OSBPL3: variants seen among roughly 807,000 people sequenced by gnomAD.
OSBPL3 encodes oxysterol-binding protein-related protein 3.
OSBPL3 carries 65 observed loss-of-function variants against 120.1 expected under a neutral mutation model. The ratio of observed to expected loss-of-function variants is 0.54; its 90% CI spans 0.44 to 0.67. The LOEUF (loss-of-function observed/expected upper bound fraction) is 0.67, where lower values mean the gene tolerates loss of function less well. OSBPL3 is among the 30% of genes least tolerant of loss of function. The probability of loss-of-function intolerance (pLI) is 0.00; values close to 1 mark genes in which losing one functional copy is unlikely to be tolerated. For missense variants in OSBPL3, 1,004 were observed against 1,082.1 expected (o/e 0.93, Z 1.01); for synonymous variants, 416 against 402.6 (o/e 1.03, Z -0.40).
rs1245389359 is a variant in OSBPL3, at chr7:24,799,248, AC to A, written c.*934del. The stretch of plus-strand genomic sequence containing the variant: ...CCAAAACAATCAGTTATTTTGCTAA[AC>A]TTTTACAAAGTCAAACTGCTGTGTG... On this transcript the variant is annotated 3_prime_UTR_variant, in exon 23 of 23. Transcript: ENST00000313367. The surrounding 1 kb of genome is among the most constrained non-coding windows in gnomAD (Gnocchi z 5.3). 6.6e-6 allele frequency: 1 copy of A among 152,658 alleles called. No individual in the cohort carries two copies. Among genetic ancestry groups the A allele is most frequent in the Admixed American group, 6.5e-5 (1 of 15,286 alleles). 9.5% of individuals were successfully genotyped at this position (152,658 alleles called of 1,614,324 possible). A position where few individuals can be genotyped will look rare whatever the true frequency, so the allele number is the denominator to read the frequency against.
At chr7:24,906,717 G>A (rs1807985029) in intron 1 of OSBPL3, 2 of 152,368 alleles carry the variant, frequency 1.3e-5, no homozygotes, top group African/African-American at 4.8e-5. Context: ...TGTGAACACA[G>A]GAGTGCTGAT....
Position 24,865,324 on chromosome 7 carries a change from C to T in OSBPL3, c.673+18G>A, listed in dbSNP as rs200754893. 9.9e-6 allele frequency: 16 copies of T among 1,612,614 alleles called. No individual in the cohort carries two copies. Among genetic ancestry groups the T allele is most frequent in the Middle Eastern group, 3.3e-4 (2 of 6,058 alleles). ...TCTAATAGCCACAACAGAAAGCAGA[C>T]GTTTCAAGTCACTCTACCTTTGGAG... On this transcript the variant is annotated intron_variant, in intron 7 of 22. Coordinates refer to ENST00000313367, the MANE Select transcript of OSBPL3 (RefSeq NM_015550.4).
Position 24,953,440 on chromosome 7 carries a change from T to C in OSBPL3, c.-150+26446A>G, listed in dbSNP as rs1814680380. Among the ~76,000 whole-genome samples the C allele has an allele frequency of 6.6e-6, 1 of 152,070 alleles. No individual in the cohort carries two copies. The highest frequency in any genetic ancestry group is 1.5e-5 in the Non-Finnish European group (1 of 67,978). ...AAATGTGTCTTATTAAAGTATTGTG[T>C]TAAAAAAAAAAGTATTACGTATCTG... On this transcript the variant is annotated intron_variant, in intron 1 of 22. Coordinates refer to ENST00000313367, the MANE Select transcript of OSBPL3 (RefSeq NM_015550.4). The surrounding 1 kb of genome is among the most constrained non-coding windows in gnomAD (Gnocchi z 4.3).
rs552082558 is a variant in OSBPL3 at position 24,815,000 on chromosome 7, G to T, written c.2172+59C>A. On this transcript the variant is annotated intron_variant, in intron 19 of 22. Transcript: ENST00000313367. ...AATCTCTCAAATGCCCTGTGCTCTG[G>T]GGCCCTGGCTCTGCCACAGCCCTTC... The T allele has an allele frequency of 5.1e-5, 79 of 1,549,418 alleles. No individual in the cohort carries two copies. In the African/African-American group the frequency reaches 9.1e-4, roughly 18 times the overall value.
At chr7:24,882,640 C>CT (rs1471136421) in intron 2 of OSBPL3, among the ~76,000 whole-genome samples, 1 of 152,110 alleles carries the variant, frequency 6.6e-6, no homozygotes. Flanking sequence ...TTCTTTAGTT[C>CT]TTTGGGAAAT....
intron 16 of OSBPL3, among the ~76,000 whole-genome samples, chr7:24,828,776 T>A (rs9719530): frequency 7.7e-4 from 117 of 151,518 alleles, no homozygotes; most frequent in South Asian, 2.1e-3. Flanking sequence ...TTTTTTTTTT[T>A]AAAAAGGAAG....
At chr7:24,809,101 AGCACACAGCCTAACGGT>A (rs1276165537) in intron 20 of OSBPL3, among the ~76,000 whole-genome samples, 1 of 152,200 alleles carries the variant, frequency 6.6e-6, no homozygotes, top group Non-Finnish European at 1.5e-5. Flanking sequence ...GTTGTGTAAT[AGCACACAGCCTAACGGT>A]TTAAACCACC....
chr7:24,975,774 T>G (rs1032645432), intron 1 of OSBPL3, among the ~76,000 whole-genome samples: 1 of 152,198 alleles, frequency 6.6e-6, no homozygotes, highest in African/African-American at 2.4e-5. Context: ...GAAACTGAAC[T>G]GGGAAGTTTC....
chr7:24,871,807 A>G lies in OSBPL3; in HGVS notation c.214-12T>C, dbSNP rs761046088. The stretch of plus-strand genomic sequence containing the variant: ...AGATAGAAGAATCTCTGTGGGGAAG[A>G]AAGTATTATTAATTAAGGCATTCAA... On this transcript the variant is annotated splice_polypyrimidine_tract_variant and intron_variant, in intron 3 of 22. Coordinates refer to ENST00000313367, the MANE Select transcript of OSBPL3 (RefSeq NM_015550.4). The surrounding 1 kb of genome is among the most constrained non-coding windows in gnomAD (Gnocchi z 4.8). 2.1e-5 allele frequency: 33 copies of G among 1,604,904 alleles called. No individual in the cohort carries two copies. The Admixed American group carries it at 4.7e-4, about 23-fold the overall frequency.
rs979042966 is a variant in OSBPL3 at position 24,873,431 on chromosome 7, C to T, written c.97-1362G>A. 6.6e-6 allele frequency among the ~76,000 whole-genome samples: 1 copy of T among 152,202 alleles called. No individual in the cohort carries two copies. Among genetic ancestry groups the T allele is most frequent in the African/African-American group, 2.4e-5 (1 of 41,446 alleles). ...TCTTTACATAATGATCGTGATGGGT[C>T]TGCCTTCTATCTGATGGCACTTTAC... On this transcript the variant is annotated intron_variant, in intron 2 of 22. Transcript: ENST00000313367. The surrounding 1 kb of genome is among the most constrained non-coding windows in gnomAD (Gnocchi z 4.1).
rs1039414566 is a variant in OSBPL3 at position 24,968,961 on chromosome 7, A to C, written c.-150+10925T>G. Among the ~76,000 whole-genome samples, 3 of 152,198 alleles carry C rather than the reference A, an allele frequency of 2.0e-5. No homozygotes were observed. Among genetic ancestry groups the C allele is most frequent in the Non-Finnish European group, 4.4e-5 (3 of 68,048 alleles). On this transcript the variant is annotated intron_variant, in intron 1 of 22. Coordinates refer to ENST00000313367, the MANE Select transcript of OSBPL3 (RefSeq NM_015550.4). This position sits in a 1 kb window ranked among gnomAD's most constrained non-coding sequence, Gnocchi z 4.6. ...TATTTATTCAAATACTCCAAGAAAC[A>C]ATTTTGCATATATATCATTTTGTGA...
intron 1 of OSBPL3, among the ~76,000 whole-genome samples, chr7:24,969,324 G>A (rs1206323969): frequency 6.6e-6 from 1 of 152,204 alleles, no homozygotes; most frequent in Non-Finnish European, 1.5e-5. Flanking sequence ...TGCCTTTACA[G>A]TAACTGGCCT....
At position 24,933,992 on chromosome 7, in the gene OSBPL3, T is replaced by C. The variant is rs1438510816; in HGVS notation, c.-149-41371A>G. 1.3e-5 allele frequency among the ~76,000 whole-genome samples: 2 copies of C among 152,206 alleles called. No individual in the cohort carries two copies. Among genetic ancestry groups the C allele is most frequent in the Non-Finnish European group, 1.5e-5 (1 of 68,022 alleles). ...AAAGTTTAAGAATGCAGATAGACCA[T>C]GTGTGTAATAGCTCTAAAATAGGAA... is the stretch of plus-strand genomic sequence containing the variant. On this transcript the variant is annotated intron_variant, in intron 1 of 22. Transcript: ENST00000313367. This position sits in a 1 kb window ranked among gnomAD's most constrained non-coding sequence, Gnocchi z 5.1.
chr7:24,946,847 T>G lies in OSBPL3; in HGVS notation c.-150+33039A>C, dbSNP rs887420700. ...AGAGGAGAGTGAGGAGAGAGAGAAA[T>G]TGACTCCATCTATATCATCTGCTTT... On this transcript the variant is annotated intron_variant, in intron 1 of 22. Coordinates refer to ENST00000313367, the MANE Select transcript of OSBPL3 (RefSeq NM_015550.4). The surrounding 1 kb of genome is among the most constrained non-coding windows in gnomAD (Gnocchi z 4.3). 1.3e-5 allele frequency among the ~76,000 whole-genome samples: 2 copies of G among 152,166 alleles called. No individual in the cohort carries two copies. Among genetic ancestry groups the G allele is most frequent in the Admixed American group, 1.3e-4 (2 of 15,276 alleles).
intron 20 of OSBPL3, among the ~76,000 whole-genome samples, chr7:24,809,491 A>G (rs1159374785): frequency 2.0e-5 from 3 of 152,090 alleles, no homozygotes; most frequent in African/African-American, 7.2e-5. Context: ...CATTTCACTG[A>G]TACTCTTTTA....
rs1030713784 is a variant in OSBPL3 at position 24,817,800 on chromosome 7, A to G, written c.1949-1112T>C. Among the ~76,000 whole-genome samples, 1 of 152,214 alleles carries G rather than the reference A, an allele frequency of 6.6e-6. No homozygotes were observed. The highest frequency in any genetic ancestry group is 1.5e-5 in the Non-Finnish European group (1 of 68,046). On this transcript the variant is annotated intron_variant, in intron 17 of 22. Coordinates refer to ENST00000313367, the MANE Select transcript of OSBPL3 (RefSeq NM_015550.4). This position sits in a 1 kb window ranked among gnomAD's most constrained non-coding sequence, Gnocchi z 4.0. Reference sequence around the variant, plus strand: ...CCAGAAATACTAAAGAAGAAGAAATAGGCACTAGGTCAACTAGGTGACAAG... The same window carrying G: ...CCAGAAATACTAAAGAAGAAGAAATGGGCACTAGGTCAACTAGGTGACAAG...
Position 24,972,699 on chromosome 7 carries a change from G to A in OSBPL3, c.-150+7187C>T, listed in dbSNP as rs541232132. Among the ~76,000 whole-genome samples the A allele has an allele frequency of 2.8e-4, 43 of 152,156 alleles. No individual in the cohort carries two copies. Among genetic ancestry groups the A allele is most frequent in the Admixed American group, 7.2e-4 (11 of 15,278 alleles). On this transcript the variant is annotated intron_variant, in intron 1 of 22. Transcript: ENST00000313367. The surrounding 1 kb of genome is among the most constrained non-coding windows in gnomAD (Gnocchi z 4.3). ...CTTCAAATTTAATAAGAGTTGCTGA[G>A]ATTAAAAAATATATACATACATAAA...
rs1218565201 is a variant in OSBPL3 at position 24,896,892 on chromosome 7, T to C, written c.-149-4271A>G. On this transcript the variant is annotated intron_variant, in intron 1 of 22. Transcript: ENST00000313367. The surrounding 1 kb of genome is among the most constrained non-coding windows in gnomAD (Gnocchi z 4.4). ...TTCAAGACCAGCCTGGCCAACATGG[T>C]AAAACCCCATCTCTACTAAAAATAC... Among the ~76,000 whole-genome samples, 1 of 152,034 alleles carries C rather than the reference T, an allele frequency of 6.6e-6. No individual in the cohort carries two copies. Among genetic ancestry groups the C allele is most frequent in the African/African-American group, 2.4e-5 (1 of 41,378 alleles).
rs1386578837 is a variant in OSBPL3 at position 24,831,827 on chromosome 7, T to G, written c.1747-922A>C. Among the ~76,000 whole-genome samples the G allele has an allele frequency of 6.6e-6, 1 of 152,220 alleles. No homozygotes were observed. The highest frequency in any genetic ancestry group is 1.9e-4 in the East Asian group (1 of 5,204). ...CTAGTCACATAACCTTCTGCTAAAT[T>G]TTTGATGTTGCCTGTAATAGGGACC... On this transcript the variant is annotated intron_variant, in intron 15 of 22. Coordinates refer to ENST00000313367, the MANE Select transcript of OSBPL3 (RefSeq NM_015550.4). This position sits in a 1 kb window ranked among gnomAD's most constrained non-coding sequence, Gnocchi z 4.0.
Sources: allele counts gnomAD v4.1 joint callset (sites outside exome capture counted in the v4.1 genomes callset), GRCh38; gene constraint gnomAD v4.1.1; non-coding constraint Gnocchi (gnomAD v3.1); transcripts MANE v1.5; gene names NCBI Gene and HGNC (gene_info 2026-07-23, HGNC 2026-07-21).